PDZD2: variants seen among roughly 807,000 people sequenced by gnomAD.
The protein encoded by PDZD2 is PDZ domain-containing protein 2.
A neutral mutation model predicts 220.7 loss-of-function variants in PDZD2; 90 were observed. The ratio of observed to expected loss-of-function variants is 0.41; its 90% CI spans 0.34 to 0.49. The LOEUF (loss-of-function observed/expected upper bound fraction) is 0.49. PDZD2 is among the 20% of genes least tolerant of loss of function. The pLI, the probability that PDZD2 is intolerant of heterozygous loss-of-function variation, is 0.28. For missense variants in PDZD2, 3,174 were observed against 3,608.5 expected, an observed-to-expected ratio of 0.88 and a Z score of 3.08; for synonymous variants, 1,375 against 1,450.5, an observed-to-expected ratio of 0.95 and a Z score of 1.18.
chr5:32,104,112 A>AGAT (rs1379043922), intron 24 of PDZD2, among the ~76,000 whole-genome samples: 1 of 152,112 alleles, frequency 6.6e-6, no homozygotes, highest in African/African-American at 2.4e-5. Context: ...GTGAGACTAA[A>AGAT]GATGTCATTA....
chr5:32,048,696 G>A lies in PDZD2; in HGVS notation c.1665+12G>A. ...CCAGTGCCTCACAGGTCCGACCAGG[G>A]CTGTGGATCTTTTCAAAGACCATAA... is the stretch of plus-strand genomic sequence containing the variant. On this transcript the variant is annotated intron_variant, in intron 8 of 24. Transcript: ENST00000438447. 6.2e-7 allele frequency: 1 copy of A among 1,613,594 alleles called. No individual in the cohort carries two copies. Among genetic ancestry groups the A allele is most frequent in the African/African-American group, 1.3e-5 (1 of 75,010 alleles).
chr5:31,643,174 A>G (rs1027783630), intron 1 of PDZD2, among the ~76,000 whole-genome samples: 2 of 152,204 alleles, frequency 1.3e-5, no homozygotes, highest in African/African-American at 2.4e-5. Flanking sequence ...CAGTGTGTCC[A>G]GAAATGCATA....
At chr5:32,092,876 A>C in intron 20 of PDZD2, 31 bp from the exon 21 acceptor site, 3 of 1,107,716 alleles carry the variant, frequency 2.7e-6, no homozygotes, top group Non-Finnish European at 4.0e-6. Flanking sequence ...TTTTTTCTTT[A>C]ATGTTCTTCA....
At chr5:32,066,984 C>T (rs984520558) in intron 14 of PDZD2, among the ~76,000 whole-genome samples, 3 of 152,144 alleles carry the variant, frequency 2.0e-5, no homozygotes, top group South Asian at 2.1e-4. Context: ...CCTAGGTAAA[C>T]GTGGTGTTCT....
At chr5:32,054,310 A>ATTTTTTTTTT (rs1738878968) in intron 10 of PDZD2, among the ~76,000 whole-genome samples, 1 of 58,600 alleles carries the variant, frequency 1.7e-5, no homozygotes, top group African/African-American at 7.1e-5. Flanking sequence ...CTAAATGAAC[A>ATTTTTTTTTT]TCTTTTTTTT....
intron 1 of PDZD2, among the ~76,000 whole-genome samples, chr5:31,730,025 G>A (rs564408062): frequency 2.6e-5 from 4 of 151,940 alleles, no homozygotes; most frequent in Middle Eastern, 3.2e-3. Context: ...ACAGGGTTTC[G>A]CCATGTTGGC....
intron 2 of PDZD2, among the ~76,000 whole-genome samples, chr5:31,937,358 T>G (rs184813300): frequency 8.5e-5 from 13 of 152,242 alleles, no homozygotes; most frequent in African/African-American, 2.9e-4. Context: ...AGGTGGAGAA[T>G]TTTGTTTCGG....
chr5:31,738,825 A>C (rs547189745), intron 1 of PDZD2, among the ~76,000 whole-genome samples: 1 of 152,272 alleles, frequency 6.6e-6, no homozygotes, highest in African/African-American at 2.4e-5. Flanking sequence ...TCTCTTTAGA[A>C]AAGTGGTTGT....
chr5:31,862,895 T>A (rs1737857138), intron 2 of PDZD2, among the ~76,000 whole-genome samples: 1 of 152,072 alleles, frequency 6.6e-6, no homozygotes, highest in African/African-American at 2.4e-5. Context: ...CCCAGCTAAT[T>A]TTTTTGTATT....
chr5:31,752,850 C>A (rs1751090243), intron 1 of PDZD2, among the ~76,000 whole-genome samples: 1 of 152,002 alleles, frequency 6.6e-6, no homozygotes, highest in African/African-American at 2.4e-5. Context: ...TCCTCTGAAC[C>A]CCATAGTGGT....
intron 2 of PDZD2, among the ~76,000 whole-genome samples, chr5:31,897,137 A>G (rs1741642769): frequency 6.6e-6 from 1 of 151,648 alleles, no homozygotes; most frequent in South Asian, 2.1e-4. Flanking sequence ...AGGTTAAACT[A>G]TTTTTTTTCC....
intron 1 of PDZD2, among the ~76,000 whole-genome samples, chr5:31,710,770 C>T (rs978188256): frequency 2.7e-5 from 4 of 149,942 alleles, no homozygotes; most frequent in South Asian, 2.1e-4. Flanking sequence ...GAGCCGGGAT[C>T]GCGCCATTGC....
rs70955736 is a variant in PDZD2 at position 31,689,239 on chromosome 5, T to TTGTGTGTGTG, written c.-361+49818_-361+49827dup. Among the ~76,000 whole-genome samples, 251 of 140,056 alleles carry TTGTGTGTGTG rather than the reference T, an allele frequency of 1.8e-3. 1 individual carries two copies. Among genetic ancestry groups the TTGTGTGTGTG allele is most frequent in the African/African-American group, 5.3e-3 (197 of 37,050 alleles). 91.9% of individuals were successfully genotyped at this position (140,056 alleles called of 152,430 possible). A position where few individuals can be genotyped will look rare whatever the true frequency, so the allele number is the denominator to read the frequency against. ...ACTTGCCAGCATGCCTGGCTAATGT[T>TTGTGTGTGTG]TGTGTGTGTGTGTGTGTGTGTGTGT... On this transcript the variant is annotated intron_variant, in intron 1 of 24. Transcript: ENST00000438447.
chr5:31,662,160 A>G (rs29755), intron 1 of PDZD2, among the ~76,000 whole-genome samples: 38,654 of 151,952 alleles, frequency 0.25, 5,606 homozygotes, highest in East Asian at 0.46. Flanking sequence ...AAAATACAAA[A>G]ATTAGCTGGG....
chr5:31,651,638 A>ATT (rs1261752746), intron 1 of PDZD2, among the ~76,000 whole-genome samples: 3 of 151,356 alleles, frequency 2.0e-5, no homozygotes, highest in African/African-American at 7.3e-5. Flanking sequence ...TTATTTATTT[A>ATT]TTTATTTTTT....
intron 2 of PDZD2, among the ~76,000 whole-genome samples, chr5:31,970,613 G>A (rs980152713): frequency 2.6e-5 from 4 of 151,722 alleles, no homozygotes; most frequent in East Asian, 3.9e-4. Flanking sequence ...CCGATATCAC[G>A]CCACTGCACT....
rs200299198 is a variant in PDZD2, at chr5:32,091,187, C to T, written c.7727+12C>T. On this transcript the variant is annotated intron_variant, in intron 20 of 24. Transcript: ENST00000438447. ...AGCTGGTCAGTTAAGTAAGTATCTG[C>T]CCACTACTTTTATTTCAGATAAACT... The T allele has an allele frequency of 1.5e-5, 22 of 1,506,670 alleles. No individual in the cohort carries two copies. The highest frequency in any genetic ancestry group is 2.2e-5 in the Admixed American group (1 of 45,126). The allele number at this position is 1,506,670 out of a possible 1,614,324, so 93.3% of individuals were successfully genotyped here.
chr5:31,827,943 A>G (rs549114714), intron 2 of PDZD2, among the ~76,000 whole-genome samples: 1 of 152,278 alleles, frequency 6.6e-6, no homozygotes, highest in Admixed American at 6.5e-5. Context: ...CTATAGATTT[A>G]CCTATTCCAG....
At chr5:31,924,876 G>A (rs1412045369) in intron 2 of PDZD2, among the ~76,000 whole-genome samples, 2 of 152,196 alleles carry the variant, frequency 1.3e-5, no homozygotes, top group African/African-American at 4.8e-5. Context: ...AGTAGAGTGT[G>A]TGTTGTCACC....
Sources: allele counts gnomAD v4.1 joint callset (sites outside exome capture counted in the v4.1 genomes callset), GRCh38; gene constraint gnomAD v4.1.1; transcripts MANE v1.5; gene names NCBI Gene and HGNC (gene_info 2026-07-23, HGNC 2026-07-21).